The following PDE10A variants were observed in gnomAD, a reference collection of about 807,000 sequenced individuals.
The protein encoded by PDE10A is phosphodiesterase 10A, also known as cAMP and cAMP-inhibited cGMP 3',5'-cyclic phosphodiesterase 10A.
In PDE10A, 39 loss-of-function variants were observed where a neutral mutation model predicts 97.7. That is an observed-to-expected ratio of 0.40 (90% CI 0.31 to 0.52). The LOEUF is 0.52. PDE10A is among the 20% of genes least tolerant of loss of function. The pLI is 0.56. For missense variants in PDE10A, 731 were observed against 1,047.8 expected (o/e 0.70, Z 4.17); for synonymous variants, 371 against 376.8 (o/e 0.98, Z 0.18).
intron 1 of PDE10A, among the ~76,000 whole-genome samples, chr6:165,755,832 T>C (rs944440241): frequency 6.6e-6 from 1 of 152,184 alleles, no homozygotes; most frequent in African/African-American, 2.4e-5. Flanking sequence ...ACTTGGGGGA[T>C]AGTTCTGAAG....
rs546187356 is a variant in PDE10A at position 165,365,087 on chromosome 6, A to C, written c.2783+14107T>G. Among the ~76,000 whole-genome samples the C allele has an allele frequency of 2.0e-5, 3 of 152,194 alleles. No individual in the cohort carries two copies. The South Asian group carries it at 6.2e-4, about 32-fold the overall frequency. ...TTAATGAAAGAACAGACAACAAATA[A>C]ATGAAAAATTTTATAAAAGTTAGTT... On this transcript the variant is annotated intron_variant, in intron 18 of 21. Coordinates refer to ENST00000539869, the MANE Select transcript of PDE10A (RefSeq NM_001385079.1).
intron 5 of PDE10A, among the ~76,000 whole-genome samples, chr6:165,440,657 G>A (rs1049404182): frequency 6.6e-6 from 1 of 152,034 alleles, no homozygotes; most frequent in Non-Finnish European, 1.5e-5. Context: ...AAATAATTTG[G>A]AAGTGTCTCT....
chr6:165,366,570 G>A (rs955420585), intron 18 of PDE10A, among the ~76,000 whole-genome samples: 4 of 152,178 alleles, frequency 2.6e-5, no homozygotes, highest in African/African-American at 7.2e-5. Context: ...GCAAGACCAC[G>A]TTGGGTGACA....
At chr6:165,423,605 C>T (rs562229186) in intron 10 of PDE10A, among the ~76,000 whole-genome samples, 2 of 152,246 alleles carry the variant, frequency 1.3e-5, no homozygotes, top group South Asian at 2.1e-4. Context: ...CGGTGGCTGA[C>T]GCCTGTAATC....
chr6:165,749,404 ACACCATCACCATCAT>A (rs1792937656), intron 1 of PDE10A, among the ~76,000 whole-genome samples: 1 of 5,966 alleles, frequency 1.7e-4, no homozygotes, highest in East Asian at 3.6e-3. Flanking sequence ...ATTACCATCA[ACACCATCACCATCAT>A]CACCATCACC....
chr6:165,341,606 C>T (rs938998802), intron 19 of PDE10A, among the ~76,000 whole-genome samples: 1 of 152,076 alleles, frequency 6.6e-6, no homozygotes, highest in East Asian at 1.9e-4. Context: ...GATCCTTACA[C>T]GGGATTCATT....
In PDE10A at chr6:165,783,296, A is replaced by G. The variant is rs374904211; in HGVS notation, c.-615+204233T>C. 1.5e-4 allele frequency among the ~76,000 whole-genome samples: 23 copies of G among 152,300 alleles called. No individual in the cohort carries two copies. The East Asian group carries it at 2.9e-3, about 19-fold the overall frequency. ...GACGATTACAGTCATCATTTTAGTC[A>G]TATTTTTGGCATATGTGTCTTATCA... is the stretch of plus-strand genomic sequence containing the variant. On this transcript the variant is annotated intron_variant, in intron 1 of 19. Transcript: ENST00000366882.
chr6:165,517,898 C>T (rs749236225), intron 2 of PDE10A, among the ~76,000 whole-genome samples: 7 of 152,152 alleles, frequency 4.6e-5, no homozygotes, highest in Non-Finnish European at 2.9e-5. Context: ...ATACAGCTAT[C>T]ATTTTGTGAG....
At chr6:165,931,461 A>G (rs113063806) in intron 1 of PDE10A, among the ~76,000 whole-genome samples, 70 of 152,362 alleles carry the variant, frequency 4.6e-4, no homozygotes, top group Non-Finnish European at 7.1e-4. Context: ...CACTTGTCCT[A>G]TACTCACACT....
intron 1 of PDE10A, among the ~76,000 whole-genome samples, chr6:165,695,351 T>A (rs4604250): frequency 0.41 from 62,407 of 152,084 alleles, 13,222 homozygotes; most frequent in South Asian, 0.44. Context: ...GGTGAGAGTC[T>A]GTGCTATTTG....
intron 1 of PDE10A, among the ~76,000 whole-genome samples, chr6:165,891,419 G>A (rs1406110558): frequency 1.3e-5 from 2 of 152,136 alleles, no homozygotes; most frequent in Non-Finnish European, 2.9e-5. Context: ...TCCCCAAGTG[G>A]TTGCTGCTAC....
At position 165,895,423 on chromosome 6, in the gene PDE10A, G is replaced by A. The variant is rs567224970; in HGVS notation, c.-615+92106C>T. On this transcript the variant is annotated intron_variant, in intron 1 of 19. Transcript: ENST00000366882. ...GGCCACCAGAAGCTGGGAGAGGTGAGGAAGGATCCTCCGTGGTGGCTTTGG... is the reference window on the plus strand; with the variant it reads ...GGCCACCAGAAGCTGGGAGAGGTGAAGAAGGATCCTCCGTGGTGGCTTTGG... Among the ~76,000 whole-genome samples the A allele has an allele frequency of 1.9e-3, 288 of 152,274 alleles. 2 individuals are homozygous for A. The highest frequency in any genetic ancestry group is 6.7e-3 in the African/African-American group (277 of 41,552).
At chr6:165,523,964 C>T (rs369842836) in intron 2 of PDE10A, among the ~76,000 whole-genome samples, 66 of 152,214 alleles carry the variant, frequency 4.3e-4, no homozygotes, top group African/African-American at 1.5e-3. Flanking sequence ...AAGGTGGGCA[C>T]CATCTAATCA....
chr6:165,790,999 C>A (rs542671887), intron 1 of PDE10A, among the ~76,000 whole-genome samples: 1 of 152,078 alleles, frequency 6.6e-6, no homozygotes, highest in African/African-American at 2.4e-5. Flanking sequence ...TCAGTAACTC[C>A]TTATTTCTCC....
At chr6:165,518,156 G>A (rs910914683) in intron 2 of PDE10A, among the ~76,000 whole-genome samples, 22 of 152,080 alleles carry the variant, frequency 1.4e-4, no homozygotes, top group Non-Finnish European at 2.2e-4. Flanking sequence ...TCACAGCTTC[G>A]TTCAAATCCA....
intron 1 of PDE10A, among the ~76,000 whole-genome samples, chr6:165,686,282 C>T (rs576457171): frequency 2.6e-5 from 4 of 152,094 alleles, no homozygotes; most frequent in Admixed American, 6.5e-5. Flanking sequence ...TCAGACTCTC[C>T]GGTCTTTTGT....
intron 1 of PDE10A, among the ~76,000 whole-genome samples, chr6:165,719,973 C>G (rs1792124581): frequency 6.6e-6 from 1 of 152,202 alleles, no homozygotes; most frequent in Admixed American, 6.5e-5. Flanking sequence ...ACAGAGTCCA[C>G]AAAGGTGTGT....
At chr6:165,607,182 G>A (rs139528294) in intron 1 of PDE10A, among the ~76,000 whole-genome samples, 156 of 152,212 alleles carry the variant, frequency 1.0e-3, no homozygotes, top group African/African-American at 3.6e-3. Context: ...CACAGGTCTC[G>A]TCTGCACAAT....
intron 5 of PDE10A, among the ~76,000 whole-genome samples, chr6:165,442,299 C>G (rs1164168206): frequency 1.3e-5 from 2 of 152,092 alleles, no homozygotes; most frequent in Non-Finnish European, 2.9e-5. Flanking sequence ...CCCGCTCCCC[C>G]CACCCCACAA....
Sources: gnomAD v4.1 joint callset for allele counts (sites outside exome capture counted in the v4.1 genomes callset) on GRCh38, gnomAD v4.1.1 for gene constraint, MANE v1.5 for transcripts, NCBI Gene and HGNC (gene_info 2026-07-23, HGNC 2026-07-21) for gene names.